The following CNIH4 variants were observed in gnomAD, a reference collection of about 807,000 sequenced individuals.
CNIH4 encodes protein cornichon homolog 4.
A neutral mutation model predicts 21.5 loss-of-function variants in CNIH4; 9 were observed. The observed-to-expected ratio is 0.42, with a 90% CI of 0.25 to 0.73. The LOEUF is 0.73. CNIH4 is among the 30% of genes least tolerant of loss of function. The pLI is 0.27. For synonymous variants in CNIH4, 67 were observed against 59.1 expected (o/e 1.13, Z -0.61); for missense variants, 159 against 170.0 (o/e 0.94, Z 0.36).
At chr1:224,364,000 G>T in intron 2 of CNIH4, 9 of 962,856 alleles carry the variant, frequency 9.3e-6, no homozygotes, top group Non-Finnish European at 1.1e-5. Context: ...ACAAATTCGG[G>T]GAAGGGCATA....
chr1:224,367,744 C>T (rs1672508387), intron 3 of CNIH4, among the ~76,000 whole-genome samples: 1 of 152,132 alleles, frequency 6.6e-6, no homozygotes, highest in Admixed American at 6.5e-5. Context: ...TTCCATAGAC[C>T]AACGCCCTAA....
chr1:224,365,796 C>A, intron 2 of CNIH4, 83 bp from the exon 3 acceptor site: 3 of 870,958 alleles, frequency 3.4e-6, no homozygotes, highest in East Asian at 2.4e-5. Flanking sequence ...ATTCTCTGTA[C>A]GTTCATTGAT....
At chr1:224,369,313 C>T (rs1217996881) in intron 3 of CNIH4, among the ~76,000 whole-genome samples, 1 of 152,216 alleles carries the variant, frequency 6.6e-6, no homozygotes, top group Admixed American at 6.6e-5. Context: ...TGGCTCACTT[C>T]TGTAATCCCA....
intron 4 of CNIH4, among the ~76,000 whole-genome samples, chr1:224,372,371 A>T (rs961663937): frequency 1.3e-5 from 2 of 152,232 alleles, no homozygotes; most frequent in Non-Finnish European, 2.9e-5. Context: ...ATACGATTTG[A>T]TTAAACCTTT....
At chr1:224,357,043 GGTGGGCCAGTTGGGCACCCGGGCA>G (rs761948687) in intron 1 of CNIH4, 50 bp downstream of exon 1, 2 of 1,579,586 alleles carry the variant, frequency 1.3e-6, no homozygotes, top group Non-Finnish European at 1.7e-6. Context: ...CACGGCTGAG[GGTGGGCCAGTTGGGCACCCGGGCA>G]GGTGTGTGGG....
chr1:224,363,661 T>C (rs1481904090), intron 2 of CNIH4, among the ~76,000 whole-genome samples: 1 of 152,190 alleles, frequency 6.6e-6, no homozygotes, highest in African/African-American at 2.4e-5. Flanking sequence ...CTGCTTCCAA[T>C]ATTATATCTG....
Position 224,376,759 on chromosome 1 carries a change from A to G in CNIH4, c.*937A>G. 1 of 985,058 alleles carries G rather than the reference A, an allele frequency of 1.0e-6. No individual in the cohort carries two copies. The highest frequency in any genetic ancestry group is 1.2e-6 in the Non-Finnish European group (1 of 829,864). 61.0% of individuals were successfully genotyped at this position (985,058 alleles called of 1,614,324 possible). ...ATGCAAGCCATTTCATGGACATAGC[A>G]ATATACAACCAAACTCTGTTCCTTG... On this transcript the variant is annotated 3_prime_UTR_variant, in exon 5 of 5. Coordinates refer to ENST00000465271, the MANE Select transcript of CNIH4 (RefSeq NM_014184.4).
chr1:224,356,879 A>T lies in CNIH4; in HGVS notation c.-46A>T, dbSNP rs1178098067. Reference sequence around the variant, plus strand: ...GGGCCTATCAGGGGTGGGTCGGGGCATCCGAGCGGGTTTGACGGAAGGAGC... The same window carrying T: ...GGGCCTATCAGGGGTGGGTCGGGGCTTCCGAGCGGGTTTGACGGAAGGAGC... On this transcript the variant is annotated 5_prime_UTR_variant, in exon 1 of 5. Transcript: ENST00000465271. 2 of 1,544,014 alleles carry T rather than the reference A, an allele frequency of 1.3e-6. No individual in the cohort carries two copies. The highest frequency in any genetic ancestry group is 1.8e-5 in the Admixed American group (1 of 54,124).
upstream of CNIH4, chr1:224,356,849 G>C: frequency 1.5e-6 from 2 of 1,295,626 alleles, no homozygotes; most frequent in South Asian, 2.5e-5. Context: ...AGCCAGCCCC[G>C]GCAAGGGCCT....
rs1009671852 is a variant in CNIH4 at position 224,378,457 on chromosome 1, T to C, written c.*2635T>C. The stretch of plus-strand genomic sequence containing the variant: ...TAAATGTTCTCCCCTTTTCATTGAT[T>C]GGAGAGTTGTAGAGGACCTTAGAGA... On this transcript the variant is annotated 3_prime_UTR_variant, in exon 5 of 5. Transcript: ENST00000465271. The C allele has an allele frequency of 1.3e-5, 2 of 152,474 alleles. No individual in the cohort carries two copies. Among genetic ancestry groups the C allele is most frequent in the South Asian group, 2.1e-4 (1 of 4,870 alleles). 9.4% of individuals were successfully genotyped at this position (152,474 alleles called of 1,614,324 possible).
chr1:224,376,348 A>C lies in CNIH4; in HGVS notation c.*526A>C. 1 of 985,346 alleles carries C rather than the reference A, an allele frequency of 1.0e-6. No homozygotes were observed. The highest frequency in any genetic ancestry group is 1.2e-6 in the Non-Finnish European group (1 of 829,816). 61.0% of individuals were successfully genotyped at this position (985,346 alleles called of 1,614,324 possible). A position where few individuals can be genotyped will look rare whatever the true frequency, so the allele number is the denominator to read the frequency against. On this transcript the variant is annotated 3_prime_UTR_variant, in exon 5 of 5. Transcript: ENST00000465271. ...CTTTTCACAAGAATGTCAACAGAGAATGGCATCTCAAAATATATATATTTC... is the reference window on the plus strand; with the variant it reads ...CTTTTCACAAGAATGTCAACAGAGACTGGCATCTCAAAATATATATATTTC...
intron 2 of CNIH4, chr1:224,364,379 C>G (rs1237034441): frequency 1.7e-5 from 17 of 985,284 alleles, no homozygotes; most frequent in Non-Finnish European, 2.0e-5. Context: ...ATAACATCAG[C>G]TGACATTTTA....
At position 224,372,574 on chromosome 1, in the gene CNIH4, T is replaced by G. The variant is rs559506318; in HGVS notation, c.392+1151T>G. Among the ~76,000 whole-genome samples the G allele has an allele frequency of 3.4e-3, 516 of 151,746 alleles. 3 individuals carry two copies. Among genetic ancestry groups the G allele is most frequent in the African/African-American group, 0.012 (481 of 41,404 alleles). Reference sequence around the variant, plus strand: ...ATAGAGATAGCAGGGGTTTTTTTTTTGTTTGTTTTGTTTTGTTTTGTTTTT... The same window carrying G: ...ATAGAGATAGCAGGGGTTTTTTTTTGGTTTGTTTTGTTTTGTTTTGTTTTT... On this transcript the variant is annotated intron_variant, in intron 4 of 4. Coordinates refer to ENST00000465271, the MANE Select transcript of CNIH4 (RefSeq NM_014184.4).
rs747784386 is a variant in CNIH4 at position 224,375,821 on chromosome 1, G to C, written c.419G>C (p.Ter140SerextTer7). 3.1e-6 allele frequency: 5 copies of C among 1,613,988 alleles called. No individual in the cohort carries two copies. In the African/African-American group the frequency reaches 6.7e-5, roughly 22 times the overall value. ...ATGATCTTAGCTTTGATAAATGACT[G>C]AAGCTGGAGAAGCCGTGGTTGAAGT... ...YSMILALIND[*>S] The change falls in exon 5 of 5, where the codon TGA (stop) becomes TCA (serine). Residue 140 changes from the stop codon to serine (S), a stop_lost. Transcript: ENST00000465271.
At chr1:224,360,259 A>T (rs1672241439) in intron 1 of CNIH4, among the ~76,000 whole-genome samples, 1 of 151,976 alleles carries the variant, frequency 6.6e-6, no homozygotes, top group Non-Finnish European at 1.5e-5. Flanking sequence ...GAAGAACTCA[A>T]ACTAAATGTT....
intron 3 of CNIH4, among the ~76,000 whole-genome samples, chr1:224,367,788 C>T (rs1399468452): frequency 5.3e-5 from 8 of 152,214 alleles, no homozygotes; most frequent in Admixed American, 4.6e-4. Context: ...AGATTACTTG[C>T]ACTTCTGCTG....
chr1:224,379,444 A>G lies in CNIH4; in HGVS notation c.*3622A>G, dbSNP rs1274092876. ...CAAACAATAAATGATTGTTGAGTGAATAAGTAAACCTGATTGTGGTGTTCT... is the reference window on the plus strand; with the variant it reads ...CAAACAATAAATGATTGTTGAGTGAGTAAGTAAACCTGATTGTGGTGTTCT... On this transcript the variant is annotated 3_prime_UTR_variant, in exon 5 of 5. Transcript: ENST00000465271. The G allele has an allele frequency of 2.1e-5, 5 of 238,584 alleles. No homozygotes were observed. The highest frequency in any genetic ancestry group is 1.1e-4 in the African/African-American group (5 of 44,396). 14.8% of individuals were successfully genotyped at this position (238,584 alleles called of 1,614,324 possible).
At chr1:224,358,400 T>C (rs956581022) in intron 1 of CNIH4, among the ~76,000 whole-genome samples, 1 of 152,172 alleles carries the variant, frequency 6.6e-6, no homozygotes, top group South Asian at 2.1e-4. Context: ...GGGGAGCTGA[T>C]TGAAAGGGCA....
chr1:224,357,092 C>G, intron 1 of CNIH4, 99 bp downstream of exon 1: 1 of 1,383,266 alleles, frequency 7.2e-7, no homozygotes. Flanking sequence ...GGGAGGCGCC[C>G]GGCGGCGGGC....
Sources: allele counts gnomAD v4.1 joint callset (sites outside exome capture counted in the v4.1 genomes callset), GRCh38; gene constraint gnomAD v4.1.1; transcripts MANE v1.5; gene names NCBI Gene and HGNC (gene_info 2026-07-23, HGNC 2026-07-21).